The following FBXO30 variants were observed in gnomAD, a reference collection of about 807,000 sequenced individuals.
FBXO30 encodes F-box protein 30, also known as F-box only protein 30.
FBXO30 carries 21 observed loss-of-function variants against 58.1 expected under a neutral mutation model. That is an observed-to-expected ratio of 0.36 (90% CI 0.26 to 0.52). The LOEUF (loss-of-function observed/expected upper bound fraction) is 0.52. Among genes scored for constraint, FBXO30 ranks in the 20% least tolerant of loss-of-function variants. FBXO30 has a pLI of 0.93. For missense variants in FBXO30, 744 were observed against 897.3 expected (o/e 0.83, Z 2.18); for synonymous variants, 309 against 312.4 (o/e 0.99, Z 0.11).
In FBXO30 at chr6:145,798,770, G is replaced by A. The variant is rs1777916483; in HGVS notation, c.*1336C>T. On this transcript the variant is annotated 3_prime_UTR_variant, in exon 3 of 3. Transcript: ENST00000237281. Reference sequence around the variant, plus strand: ...AGGGAATCAAGAACCTAGTAATCGTGGAGTACTCTCAGGGACAAATGTAGG... The same window carrying A: ...AGGGAATCAAGAACCTAGTAATCGTAGAGTACTCTCAGGGACAAATGTAGG... 1.3e-5 allele frequency: 2 copies of A among 151,956 alleles called. No homozygotes were observed. The highest frequency in any genetic ancestry group is 4.2e-4 in the South Asian group (2 of 4,804). The allele number at this position is 151,956 out of a possible 1,614,324, so 9.4% of individuals were successfully genotyped here.
chr6:145,805,411 G>C lies in FBXO30; in HGVS notation c.995C>G (p.Ala332Gly). The change falls in exon 2 of 3, where the codon GCG becomes GGG. Residue 332 changes from alanine (A) to glycine (G), a missense_variant. Ala to Gly is a moderately conservative substitution (Grantham distance 60). This residue lies in a region of FBXO30 where 275 missense variants were observed against 262.0 expected (regional missense o/e 1.05). Coordinates refer to ENST00000237281, the MANE Select transcript of FBXO30 (RefSeq NM_032145.5). ...TATTTCCCTAAGTTGTGCTGCCACCGCAAGTGAGCTGGAAGGTTTTGAAGT... is the reference window on the plus strand; with the variant it reads ...TATTTCCCTAAGTTGTGCTGCCACCCCAAGTGAGCTGGAAGGTTTTGAAGT... ...DGTSKPSSSLAVAAQLREIIP... is the reference protein window; with the variant it reads ...DGTSKPSSSLGVAAQLREIIP... 6.2e-7 allele frequency: 1 copy of C among 1,613,942 alleles called. No homozygotes were observed. Among genetic ancestry groups the C allele is most frequent in the Non-Finnish European group, 8.5e-7 (1 of 1,179,928 alleles).
chr6:145,804,681 T>C lies in FBXO30; in HGVS notation c.1725A>G (p.Gly575=), dbSNP rs374234188. The C allele has an allele frequency of 6.2e-7, 1 of 1,613,778 alleles. No homozygotes were observed. The highest frequency in any genetic ancestry group is 8.5e-7 in the Non-Finnish European group (1 of 1,179,908). The part of the protein sequence containing the change: ...SQRRFCPSIQ[G]AKIIHDRHLR... ...AATGGCGGTCATGTATAATCTTTGC[T>C]CCTTGTATTGATGGACAAAATCTAC... The change falls in exon 2 of 3, where the codon GGA becomes GGG. Residue 575 remains glycine, a synonymous_variant. Transcript: ENST00000237281.
Position 145,799,898 on chromosome 6 carries a change from G to C in FBXO30, c.*208C>G, listed in dbSNP as rs1583189769. 1 of 402,938 alleles carries C rather than the reference G, an allele frequency of 2.5e-6. No individual in the cohort carries two copies. The highest frequency in any genetic ancestry group is 4.2e-5 in the South Asian group (1 of 24,034). 25.0% of individuals were successfully genotyped at this position (402,938 alleles called of 1,614,324 possible). A position where few individuals can be genotyped will look rare whatever the true frequency, so the allele number is the denominator to read the frequency against. On this transcript the variant is annotated 3_prime_UTR_variant, in exon 3 of 3. Coordinates refer to ENST00000237281, the MANE Select transcript of FBXO30 (RefSeq NM_032145.5). ...AAAATTAAATCACCCTGTCCAGCAA[G>C]TTCCAAAAATTTCACACATTTCAAA...
chr6:145,805,831 C>G lies in FBXO30; in HGVS notation c.575G>C (p.Ser192Thr). The G allele has an allele frequency of 6.2e-7, 1 of 1,614,076 alleles. No homozygotes were observed. Among genetic ancestry groups the G allele is most frequent in the Non-Finnish European group, 8.5e-7 (1 of 1,179,988 alleles). The stretch of plus-strand genomic sequence containing the variant: ...CAGGATATCCAAAGCAGCAGCCAAA[C>G]TTCTGGTTGTTTCTACAGTAGCTTG... The part of the protein sequence containing the change: ...LYQATVETTR[S>T]LAAALDILNT... Residue 192 changes from serine to threonine, a missense_variant, in exon 2 of 3, where the codon AGT (serine) becomes ACT (threonine). Ser to Thr is a moderately conservative substitution (Grantham distance 58). This residue lies in a region of FBXO30 where 275 missense variants were observed against 262.0 expected (regional missense o/e 1.05). Transcript: ENST00000237281.
rs766813107 is a variant in FBXO30 at position 145,805,299 on chromosome 6, T to C, written c.1107A>G (p.Lys369=). The stretch of plus-strand genomic sequence containing the variant: ...CATTCTTCACGTCCCCTAAGTCTAC[T>C]TTTTTCCAACACAATTCACCTTCAC... ...DEGEGELCWK[K]VDLGDVKNVD... is the part of the protein sequence containing the mutation. Residue 369 remains lysine (K), a synonymous_variant, in exon 2 of 3, where the codon AAA becomes AAG. Coordinates refer to ENST00000237281, the MANE Select transcript of FBXO30 (RefSeq NM_032145.5). The C allele has an allele frequency of 6.2e-7, 1 of 1,613,964 alleles. No individual in the cohort carries two copies. The highest frequency in any genetic ancestry group is 1.1e-5 in the South Asian group (1 of 91,072).
chr6:145,804,931 T>C lies in FBXO30; in HGVS notation c.1475A>G (p.Asn492Ser), dbSNP rs754549761. Residue 492 changes from asparagine to serine, a missense_variant, in exon 2 of 3, where the codon AAT becomes AGT. Physicochemically the swap from Asn to Ser is conservative, Grantham distance 46. Coordinates refer to ENST00000237281, the MANE Select transcript of FBXO30 (RefSeq NM_032145.5). ...ACDHANPQLS[N>S]PSPFQTLGLD... ...CCCAAGTGTCTGAAACGGACTTGGA[T>C]TTGAAAGCTGTGGATTGGCATGATC... is the stretch of plus-strand genomic sequence containing the variant. 5 of 1,613,896 alleles carry C rather than the reference T, an allele frequency of 3.1e-6. No homozygotes were observed. Among genetic ancestry groups the C allele is most frequent in the Non-Finnish European group, 4.2e-6 (5 of 1,179,892 alleles).
intron 2 of FBXO30, among the ~76,000 whole-genome samples, chr6:145,800,515 G>A (rs562141490): frequency 6.6e-6 from 1 of 152,120 alleles, no homozygotes; most frequent in Non-Finnish European, 1.5e-5. Flanking sequence ...ATGACATTAT[G>A]ACTTCAATAA....
intron 1 of FBXO30, among the ~76,000 whole-genome samples, chr6:145,810,884 A>T (rs943581200): frequency 1.1e-4 from 16 of 152,194 alleles, no homozygotes; most frequent in Admixed American, 2.0e-4. Context: ...ACACAGACAC[A>T]GACACACATC....
chr6:145,808,808 C>T (rs539326067), intron 1 of FBXO30, among the ~76,000 whole-genome samples: 6 of 152,278 alleles, frequency 3.9e-5, no homozygotes, highest in South Asian at 4.1e-4. Context: ...CACCTCAGTG[C>T]GTAAGAGATT....
chr6:145,804,507 TA>T lies in FBXO30; in HGVS notation c.1898del (p.Leu633TyrfsTer10). On this transcript the variant is annotated frameshift_variant, in exon 2 of 3. Transcript: ENST00000237281. LOFTEE classifies it high-confidence loss of function. ...HIAGFLDGFSLCQLSCVSKLM... is the reference protein window; with the variant it reads ...HIAGFLDGFSXCQLSCVSKLM... ...ACTTGGATACACATGAGAGCTGACA[TA>T]AGCTGAAGCCATCGAGAAAGCCTGC... 1.2e-6 allele frequency: 2 copies of T among 1,613,706 alleles called. No homozygotes were observed. The highest frequency in any genetic ancestry group is 1.7e-6 in the Non-Finnish European group (2 of 1,179,798).
chr6:145,806,340 T>C lies in FBXO30; in HGVS notation c.66A>G (p.Pro22=), dbSNP rs1468258123. ...NCVSRRCMTR[P]EPGISCDLIG... The stretch of plus-strand genomic sequence containing the variant: ...TCAAATCACAGGAAATCCCTGGCTC[T>C]GGCCTGGTCATGCACCGTCTACTGA... Residue 22 remains proline (P), a synonymous_variant, in exon 2 of 3, where the codon CCA becomes CCG. Coordinates refer to ENST00000237281, the MANE Select transcript of FBXO30 (RefSeq NM_032145.5). 6.2e-7 allele frequency: 1 copy of C among 1,613,990 alleles called. No homozygotes were observed. Among genetic ancestry groups the C allele is most frequent in the Non-Finnish European group, 8.5e-7 (1 of 1,179,936 alleles).
intron 2 of FBXO30, among the ~76,000 whole-genome samples, chr6:145,801,076 G>C (rs1256177655): frequency 3.3e-5 from 5 of 152,016 alleles, no homozygotes; most frequent in African/African-American, 1.2e-4. Flanking sequence ...TATTAGTCCA[G>C]CAAAAGACTG....
Position 145,805,173 on chromosome 6 carries a change from C to T in FBXO30, c.1233G>A (p.Leu411=), listed in dbSNP as rs1778125209. Residue 411 remains leucine (L), a synonymous_variant, in exon 2 of 3, where the codon TTG becomes TTA. Coordinates refer to ENST00000237281, the MANE Select transcript of FBXO30 (RefSeq NM_032145.5). ...GGCCCATAGGATCTTCTGCAACTTC[C>T]AAATCTGATGTATCTACTGCTTTAT... ...KEDKAVDTSD[L]EVAEDPMGLQ... The T allele has an allele frequency of 1.2e-6, 2 of 1,613,960 alleles. No individual in the cohort carries two copies. The highest frequency in any genetic ancestry group is 2.7e-5 in the African/African-American group (2 of 74,918).
rs538715145 is a variant in FBXO30 at position 145,797,442 on chromosome 6, G to T, written c.*2664C>A. On this transcript the variant is annotated 3_prime_UTR_variant, in exon 3 of 3. Coordinates refer to ENST00000237281, the MANE Select transcript of FBXO30 (RefSeq NM_032145.5). The stretch of plus-strand genomic sequence containing the variant: ...ACCAGAGGGTAGCTGGCATGACCCA[G>T]TCTTCCCTCTAAGTTCTAATACTTT... The T allele has an allele frequency of 6.6e-6, 1 of 152,146 alleles. No individual in the cohort carries two copies. The highest frequency in any genetic ancestry group is 6.6e-5 in the Admixed American group (1 of 15,262). 9.4% of individuals were successfully genotyped at this position (152,146 alleles called of 1,614,324 possible).
chr6:145,806,950 A>G (rs1406459053), intron 1 of FBXO30, among the ~76,000 whole-genome samples: 1 of 152,186 alleles, frequency 6.6e-6, no homozygotes, highest in Admixed American at 6.5e-5. Flanking sequence ...TCATCTATTG[A>G]TCTCTCCTTC....
At chr6:145,801,543 G>A (rs1777999224) in intron 2 of FBXO30, among the ~76,000 whole-genome samples, 1 of 152,080 alleles carries the variant, frequency 6.6e-6, no homozygotes, top group South Asian at 2.1e-4. Flanking sequence ...TTAGAAAGTG[G>A]CAGATTTAAG....
At chr6:145,813,593 AC>A (rs1162475532) in intron 1 of FBXO30, among the ~76,000 whole-genome samples, 3 of 152,246 alleles carry the variant, frequency 2.0e-5, no homozygotes, top group Non-Finnish European at 4.4e-5. Flanking sequence ...CAAATGCAAA[AC>A]CTGTTAATAT....
intron 1 of FBXO30, among the ~76,000 whole-genome samples, chr6:145,813,758 A>G (rs995721602): frequency 6.6e-6 from 1 of 152,222 alleles, no homozygotes; most frequent in African/African-American, 2.4e-5. Flanking sequence ...ATCAGAGTCA[A>G]CGAAGTAATC....
At position 145,804,614 on chromosome 6, in the gene FBXO30, C is replaced by T. The variant is rs763155060; in HGVS notation, c.1792G>A (p.Val598Met). ...AACACACAGTTTCTAGCAGGCTCCA[C>T]TAATACTGTAGATACACATGGCTGA... ...GVQPCVSTVLVEPARNCVLGL... is the reference protein window; with the variant it reads ...GVQPCVSTVLMEPARNCVLGL... Residue 598 changes from valine to methionine, a missense_variant, in exon 2 of 3, where the codon GTG (valine) becomes ATG (methionine). Around this residue, in one of 3 missense-constraint regions of FBXO30, gnomAD observed 334 missense variants for 433.7 expected, o/e 0.77. Transcript: ENST00000237281. 5 of 1,613,850 alleles carry T rather than the reference C, an allele frequency of 3.1e-6. No individual in the cohort carries two copies. The South Asian group carries it at 5.5e-5, about 18-fold the overall frequency.
Sources: allele counts gnomAD v4.1 joint callset (sites outside exome capture counted in the v4.1 genomes callset), GRCh38; gene constraint gnomAD v4.1.1; regional missense constraint gnomAD v4.1.1; transcripts MANE v1.5; gene names NCBI Gene and HGNC (gene_info 2026-07-23, HGNC 2026-07-21).